Variants in TBC1D22A observed in about 807,000 individuals in gnomAD.
TBC1D22A encodes TBC1 domain family member 22A, also known as putative GTPase activator.
Under a neutral mutation model 60.2 loss-of-function variants are expected in TBC1D22A, and 38 were observed. The observed-to-expected ratio is 0.63, with a 90% confidence interval of 0.49 to 0.83. The LOEUF (loss-of-function observed/expected upper bound fraction) is 0.83. Among genes scored for constraint, TBC1D22A ranks in the 40% least tolerant of loss-of-function variants. The probability of loss-of-function intolerance (pLI) is 0.00; values close to 1 mark genes in which losing one functional copy is unlikely to be tolerated. For missense variants in TBC1D22A, 628 were observed against 701.0 expected (o/e 0.90, Z 1.18); for synonymous variants, 302 against 281.7 (o/e 1.07, Z -0.72).
chr22:46,843,878 T>C (rs1205718570), intron 4 of TBC1D22A, among the ~76,000 whole-genome samples: 1 of 152,006 alleles, frequency 6.6e-6, no homozygotes, highest in Non-Finnish European at 1.5e-5. Context: ...CCCTGTGTTC[T>C]CACATCATCG....
intron 10 of TBC1D22A, among the ~76,000 whole-genome samples, chr22:47,013,534 T>C (rs1304571675): frequency 6.6e-6 from 1 of 152,230 alleles, no homozygotes; most frequent in African/African-American, 2.4e-5. Flanking sequence ...TGGTTACAAG[T>C]AGCTAGAGAG....
intron 8 of TBC1D22A, among the ~76,000 whole-genome samples, chr22:46,919,721 A>G (rs928700829): frequency 3.2e-5 from 4 of 125,174 alleles, no homozygotes; most frequent in Admixed American, 8.7e-5. Context: ...ACTTGTCATC[A>G]TCTTTCACTC....
chr22:46,885,534 T>G (rs1221192035), intron 5 of TBC1D22A, among the ~76,000 whole-genome samples: 1 of 152,212 alleles, frequency 6.6e-6, no homozygotes, highest in Non-Finnish European at 1.5e-5. Flanking sequence ...AGTAATCTTA[T>G]GTAATTGTTA....
At chr22:47,061,154 G>A (rs904418149) in intron 11 of TBC1D22A, among the ~76,000 whole-genome samples, 8 of 149,728 alleles carry the variant, frequency 5.3e-5, no homozygotes, top group African/African-American at 1.7e-4. Flanking sequence ...TGTCTTCCTC[G>A]GTGCCCTCAC....
At chr22:46,906,632 AG>A (rs2069487777) in intron 7 of TBC1D22A, among the ~76,000 whole-genome samples, 1 of 152,206 alleles carries the variant, frequency 6.6e-6, no homozygotes, top group Non-Finnish European at 1.5e-5. Flanking sequence ...AAGGCTTTTC[AG>A]GGAGAAAAGA....
intron 9 of TBC1D22A, among the ~76,000 whole-genome samples, chr22:46,975,413 G>A (rs886355206): frequency 9.2e-5 from 14 of 152,296 alleles, no homozygotes; most frequent in South Asian, 6.2e-4. Flanking sequence ...AGCCCAGAGC[G>A]CGGTTTGGGT....
rs925083822 is a variant in TBC1D22A, at chr22:47,028,392, G to C, written c.1202-8679G>C. Among the ~76,000 whole-genome samples the C allele has an allele frequency of 6.8e-6, 1 of 146,644 alleles. No homozygotes were observed. Among genetic ancestry groups the C allele is most frequent in the Non-Finnish European group, 1.5e-5 (1 of 67,112 alleles). ...GTGAGTGGTCGCATTCCTGTCCCTCGGTCCCTGTCCCCCACGGCCCAGGTT... is the reference window on the plus strand; with the variant it reads ...GTGAGTGGTCGCATTCCTGTCCCTCCGTCCCTGTCCCCCACGGCCCAGGTT... On this transcript the variant is annotated intron_variant, in intron 10 of 12. Transcript: ENST00000337137. The surrounding 1 kb of genome is among the most constrained non-coding windows in gnomAD (Gnocchi z 4.4).
chr22:46,826,918 G>A (rs1033289536), intron 4 of TBC1D22A, among the ~76,000 whole-genome samples: 3 of 151,592 alleles, frequency 2.0e-5, no homozygotes, highest in Admixed American at 6.6e-5. Flanking sequence ...ATGAATACAC[G>A]AAAACGTAAA....
intron 12 of TBC1D22A, among the ~76,000 whole-genome samples, chr22:47,167,130 A>G (rs1236132781): frequency 6.6e-6 from 1 of 152,240 alleles, no homozygotes; most frequent in African/African-American, 2.4e-5. Flanking sequence ...AACGATGACC[A>G]CGTTCGTCTT....
chr22:47,168,106 C>T (rs1165773877), intron 12 of TBC1D22A, among the ~76,000 whole-genome samples: 2 of 152,250 alleles, frequency 1.3e-5, no homozygotes, highest in Non-Finnish European at 2.9e-5. Flanking sequence ...CTTTTAGTTG[C>T]TTCACCGGAC....
At chr22:47,157,764 CGGTGCCCAGAT>C (rs2067784939) in intron 12 of TBC1D22A, among the ~76,000 whole-genome samples, 1 of 152,176 alleles carries the variant, frequency 6.6e-6, no homozygotes, top group South Asian at 2.1e-4. Context: ...TGGGTAGGGC[CGGTGCCCAGAT>C]GGTGGCCCAG....
intron 11 of TBC1D22A, among the ~76,000 whole-genome samples, chr22:47,055,504 C>A (rs151268859): frequency 4.6e-5 from 7 of 152,188 alleles, no homozygotes; most frequent in African/African-American, 1.7e-4. Flanking sequence ...GGGGTATGTA[C>A]ATTTGTGATA....
intron 4 of TBC1D22A, among the ~76,000 whole-genome samples, chr22:46,866,025 G>T (rs1325662896): frequency 6.6e-6 from 1 of 152,184 alleles, no homozygotes; most frequent in Non-Finnish European, 1.5e-5. Flanking sequence ...GAAGTTCTGT[G>T]CCGAAATTGA....
intron 4 of TBC1D22A, among the ~76,000 whole-genome samples, chr22:46,800,960 C>A (rs2084872555): frequency 2.0e-5 from 3 of 152,130 alleles, no homozygotes; most frequent in Admixed American, 2.0e-4. Context: ...CTCTGAGTAC[C>A]CACCTGGAGC....
At chr22:46,924,623 TA>T (rs2147859074) in intron 8 of TBC1D22A, among the ~76,000 whole-genome samples, 1 of 152,208 alleles carries the variant, frequency 6.6e-6, no homozygotes, top group South Asian at 2.1e-4. Context: ...CGCATGCCTG[TA>T]ATCCCAGCTA....
At chr22:46,818,907 C>G (rs577088071) in intron 4 of TBC1D22A, among the ~76,000 whole-genome samples, 1 of 152,158 alleles carries the variant, frequency 6.6e-6, no homozygotes, top group African/African-American at 2.4e-5. Flanking sequence ...CTGTTACTTC[C>G]TTGAGCAGTG....
chr22:46,884,083 G>A (rs924422416), intron 5 of TBC1D22A, among the ~76,000 whole-genome samples: 3 of 152,332 alleles, frequency 2.0e-5, no homozygotes, highest in Middle Eastern at 3.4e-3. Flanking sequence ...GCCCTTGGAC[G>A]AACATTCCGC....
At chr22:47,127,019 TACAC>T (rs2066481561) in intron 12 of TBC1D22A, among the ~76,000 whole-genome samples, 1 of 152,124 alleles carries the variant, frequency 6.6e-6, no homozygotes, top group African/African-American at 2.4e-5. Context: ...AATATCCACA[TACAC>T]ACGTGTGCGT....
intron 4 of TBC1D22A, among the ~76,000 whole-genome samples, chr22:46,862,899 C>T (rs545070050): frequency 6.6e-6 from 1 of 152,210 alleles, no homozygotes; most frequent in South Asian, 2.1e-4. Flanking sequence ...ACCGTGGACC[C>T]GATTTTAGAA....
Sources: gnomAD v4.1 joint callset for allele counts (sites outside exome capture counted in the v4.1 genomes callset) on GRCh38, gnomAD v4.1.1 for gene constraint, Gnocchi (gnomAD v3.1) non-coding constraint, MANE v1.5 for transcripts, NCBI Gene and HGNC (gene_info 2026-07-23, HGNC 2026-07-21) for gene names.